Variants in CTNND2 observed in about 807,000 individuals in gnomAD.
The protein encoded by CTNND2 is catenin delta-2.
CTNND2 carries 22 observed loss-of-function variants against 144.4 expected under a neutral mutation model. The observed-to-expected ratio is 0.15, with a 90% CI of 0.11 to 0.22. The LOEUF (loss-of-function observed/expected upper bound fraction) is 0.22. Among genes scored for constraint, CTNND2 ranks in the 10% least tolerant of loss-of-function variants. The pLI is 1.00. For missense variants in CTNND2, 1,353 were observed against 1,618.8 expected (o/e 0.84, Z 2.82); for synonymous variants, 751 against 695.6 (o/e 1.08, Z -1.25).
In CTNND2 at chr5:11,761,144, C is replaced by T. The variant is rs149093242; in HGVS notation, c.38-28872G>A. 1.3e-3 allele frequency among the ~76,000 whole-genome samples: 199 copies of T among 152,250 alleles called. 3 individuals carry two copies. The highest frequency in any genetic ancestry group is 4.1e-3 in the African/African-American group (171 of 41,552). Reference sequence around the variant, plus strand: ...GCTCTTTTGTTTCGCCTGGAATCTGCCTCTGCTCCCTTGTAACTGTGTCTG... The same window carrying T: ...GCTCTTTTGTTTCGCCTGGAATCTGTCTCTGCTCCCTTGTAACTGTGTCTG... On this transcript the variant is annotated intron_variant, in intron 1 of 21. Coordinates refer to ENST00000304623, the MANE Select transcript of CTNND2 (RefSeq NM_001332.4).
intron 16 of CTNND2, among the ~76,000 whole-genome samples, chr5:11,037,061 A>AT (rs1223223575): frequency 2.0e-5 from 3 of 152,184 alleles, no homozygotes; most frequent in Admixed American, 2.0e-4. Context: ...ATGGTCAACA[A>AT]TTTTTTAAAA....
intron 9 of CTNND2, among the ~76,000 whole-genome samples, chr5:11,259,274 G>T (rs762746619): frequency 1.3e-5 from 2 of 152,074 alleles, no homozygotes; most frequent in Non-Finnish European, 2.9e-5. Flanking sequence ...CTCCCTCTCT[G>T]TGTGTATATG....
chr5:11,137,430 G>A (rs998577462), intron 12 of CTNND2, among the ~76,000 whole-genome samples: 10 of 152,090 alleles, frequency 6.6e-5, no homozygotes, highest in African/African-American at 1.2e-4. Context: ...ACACCCCAAC[G>A]TGTCCAGGAA....
At chr5:11,347,695 T>C (rs1230221652) in intron 8 of CTNND2, among the ~76,000 whole-genome samples, 2 of 152,338 alleles carry the variant, frequency 1.3e-5, no homozygotes, top group East Asian at 3.9e-4. Context: ...AGTGGCTAGA[T>C]AGGACCATTT....
At chr5:11,886,974 G>GTTTT (rs1736582715) in intron 1 of CTNND2, among the ~76,000 whole-genome samples, 1 of 103,250 alleles carries the variant, frequency 9.7e-6, no homozygotes, top group African/African-American at 3.3e-5. Flanking sequence ...CTATCCTACT[G>GTTTT]CTTTTTTTTT....
intron 1 of CTNND2, among the ~76,000 whole-genome samples, chr5:11,800,985 G>C (rs1265320886): frequency 1.3e-5 from 2 of 152,180 alleles, no homozygotes; most frequent in Non-Finnish European, 2.9e-5. Context: ...TGTTTTTCAA[G>C]AGGGTGTTCT....
chr5:11,102,970 A>ATTTTTT lies in CTNND2; in HGVS notation c.2464-4228_2464-4223dup, dbSNP rs778134907. Among the ~76,000 whole-genome samples, 403 of 84,080 alleles carry ATTTTTT rather than the reference A, an allele frequency of 4.8e-3. 34 individuals are homozygous for ATTTTTT. Among genetic ancestry groups the ATTTTTT allele is most frequent in the African/African-American group, 0.02 (386 of 19,298 alleles). The allele number at this position is 84,080 out of a possible 152,430, so 55.2% of individuals were successfully genotyped here. On this transcript the variant is annotated intron_variant, in intron 14 of 21. Coordinates refer to ENST00000304623, the MANE Select transcript of CTNND2 (RefSeq NM_001332.4). ...GCAGGGCTTAAATTCTATTTAAAAG[A>ATTTTTT]TTTTTTTTTTTTTTTTTTTTTTTTT...
chr5:11,794,507 T>C (rs1187819203), intron 1 of CTNND2, among the ~76,000 whole-genome samples: 2 of 152,186 alleles, frequency 1.3e-5, no homozygotes, highest in African/African-American at 2.4e-5. Context: ...TCAATTTGTG[T>C]TTTTCTCTTT....
At chr5:11,553,755 T>C (rs1288599049) in intron 3 of CTNND2, among the ~76,000 whole-genome samples, 2 of 152,134 alleles carry the variant, frequency 1.3e-5, no homozygotes, top group South Asian at 4.1e-4. Flanking sequence ...TCATAAAGAT[T>C]TCCAGTTCTC....
chr5:11,818,760 T>C lies in CTNND2; in HGVS notation c.37+85057A>G, dbSNP rs968052089. Among the ~76,000 whole-genome samples the C allele has an allele frequency of 2.7e-5, 4 of 150,332 alleles. No homozygotes were observed. In the South Asian group the frequency reaches 8.5e-4, roughly 32 times the overall value. The stretch of plus-strand genomic sequence containing the variant: ...AATTAAATAAGAGTACATCAAAGAG[T>C]CTACCTAAGACAGCATATGTCACAC... On this transcript the variant is annotated intron_variant, in intron 1 of 21. Coordinates refer to ENST00000304623, the MANE Select transcript of CTNND2 (RefSeq NM_001332.4).
chr5:11,321,718 C>CCA (rs1451715146), intron 9 of CTNND2, among the ~76,000 whole-genome samples: 1 of 151,906 alleles, frequency 6.6e-6, no homozygotes, highest in African/African-American at 2.4e-5. Context: ...CACATATGCA[C>CCA]CACACACACA....
intron 11 of CTNND2, among the ~76,000 whole-genome samples, chr5:11,170,454 C>A (rs559291213): frequency 2.0e-5 from 3 of 152,280 alleles, no homozygotes; most frequent in Middle Eastern, 3.4e-3. Context: ...AGTATATACA[C>A]GTTGTGTAAT....
At chr5:11,598,603 G>A (rs1245780877) in intron 2 of CTNND2, among the ~76,000 whole-genome samples, 2 of 152,140 alleles carry the variant, frequency 1.3e-5, no homozygotes, top group East Asian at 3.9e-4. Context: ...TCCTATGAGA[G>A]GGTTTACAAG....
intron 2 of CTNND2, among the ~76,000 whole-genome samples, chr5:11,566,381 T>C (rs893352427): frequency 8.5e-5 from 13 of 152,312 alleles, no homozygotes; most frequent in African/African-American, 2.9e-4. Flanking sequence ...ATTTTATGCA[T>C]CTAACTTCTT....
At chr5:11,375,193 T>C (rs1439727534) in intron 7 of CTNND2, among the ~76,000 whole-genome samples, 1 of 152,116 alleles carries the variant, frequency 6.6e-6, no homozygotes, top group Non-Finnish European at 1.5e-5. Context: ...AAACTGAAAA[T>C]GTATTCTCCC....
intron 1 of CTNND2, among the ~76,000 whole-genome samples, chr5:11,900,111 C>T (rs1057399542): frequency 6.6e-5 from 10 of 152,086 alleles, no homozygotes; most frequent in Non-Finnish European, 1.3e-4. Context: ...TCATTTTGCA[C>T]GTAATGTGCC....
intron 16 of CTNND2, among the ~76,000 whole-genome samples, chr5:11,023,961 G>A (rs1742551190): frequency 6.6e-6 from 1 of 152,196 alleles, no homozygotes; most frequent in Non-Finnish European, 1.5e-5. Flanking sequence ...ACATTTTTCA[G>A]ATGGAATTGG....
At chr5:11,155,170 G>A (rs1758104755) in intron 12 of CTNND2, among the ~76,000 whole-genome samples, 1 of 152,178 alleles carries the variant, frequency 6.6e-6, no homozygotes, top group Non-Finnish European at 1.5e-5. Flanking sequence ...TTCAGACCAT[G>A]GTCCCTCAAC....
chr5:11,716,472 T>G (rs1363327148), intron 2 of CTNND2, among the ~76,000 whole-genome samples: 1 of 152,182 alleles, frequency 6.6e-6, no homozygotes, highest in African/African-American at 2.4e-5. Context: ...AAATTAAATG[T>G]GAGGTATTAT....
Sources: gnomAD v4.1 joint callset for allele counts (sites outside exome capture counted in the v4.1 genomes callset) on GRCh38, gnomAD v4.1.1 for gene constraint, MANE v1.5 for transcripts, NCBI Gene and HGNC (gene_info 2026-07-23, HGNC 2026-07-21) for gene names.